Variants in GPX6 observed in about 807,000 individuals in gnomAD.
GPX6 encodes glutathione peroxidase 6, also known as glutathione peroxidase 6 (olfactory).
A neutral mutation model predicts 20.0 loss-of-function variants in GPX6; 21 were observed. That is an observed-to-expected ratio of 1.05 (90% CI 0.74 to 1.51). The LOEUF is 1.51. Among genes scored for constraint, GPX6 ranks in the 40% most tolerant of loss-of-function variants. The pLI is 0.00. For synonymous variants in GPX6, 75 were observed against 98.0 expected, an observed-to-expected ratio of 0.77 and a Z score of 1.38; for missense variants, 233 against 254.7, an observed-to-expected ratio of 0.91 and a Z score of 0.58.
intron 1 of GPX6, among the ~76,000 whole-genome samples, chr6:28,513,340 G>T (rs899232113): frequency 1.3e-5 from 2 of 152,138 alleles, no homozygotes; most frequent in Non-Finnish European, 2.9e-5. Context: ...GCCCACTGGG[G>T]CTTCAGTTGT....
intron 2 of GPX6, among the ~76,000 whole-genome samples, chr6:28,508,084 A>G (rs1762823869): frequency 6.6e-6 from 1 of 152,362 alleles, no homozygotes; most frequent in African/African-American, 2.4e-5. Flanking sequence ...GAACATGGCA[A>G]GTGCCACTGT....
At chr6:28,511,039 T>A in intron 1 of GPX6, 135 bp from the exon 2 acceptor site, 1 of 735,382 alleles carries the variant, frequency 1.4e-6, no homozygotes, top group Non-Finnish European at 2.0e-6. Flanking sequence ...TCTTTCCAAG[T>A]AAAATTTTTA....
intron 2 of GPX6, among the ~76,000 whole-genome samples, chr6:28,509,958 T>G (rs1486981387): frequency 6.6e-6 from 1 of 152,092 alleles, no homozygotes; most frequent in East Asian, 1.9e-4. Flanking sequence ...ATCACTCATC[T>G]CTCCTGTTTT....
rs55919532 is a variant in GPX6 at position 28,504,099 on chromosome 6, T to TACACACAC, written c.*185_*192dup. The TACACACAC allele has an allele frequency of 0.045, 25,147 of 562,082 alleles. 712 individuals carry two copies. Among genetic ancestry groups the TACACACAC allele is most frequent in the African/African-American group, 0.18 (9,123 of 51,492 alleles). The allele number at this position is 562,082 out of a possible 1,614,324, so 34.8% of individuals were successfully genotyped here. A position where few individuals can be genotyped will look rare whatever the true frequency, so the allele number is the denominator to read the frequency against. ...CAACAAATACAATTCTACATATCCA[T>TACACACAC]ACACACACACACACACACACACACA... On this transcript the variant is annotated 3_prime_UTR_variant, in exon 5 of 5. Coordinates refer to ENST00000361902, the MANE Select transcript of GPX6 (RefSeq NM_182701.1).
At chr6:28,510,718 T>C (rs752425160) in intron 2 of GPX6, 33 bp downstream of exon 2, 4 of 1,600,960 alleles carry the variant, frequency 2.5e-6, no homozygotes, top group Non-Finnish European at 3.4e-6. Flanking sequence ...CTGGCAATGC[T>C]GCTTCCAAAA....
intron 2 of GPX6, among the ~76,000 whole-genome samples, chr6:28,507,805 G>A (rs899395423): frequency 6.6e-6 from 1 of 152,178 alleles, no homozygotes; most frequent in African/African-American, 2.4e-5. Context: ...ATGTTCAAGA[G>A]TGATCCGGCC....
intron 1 of GPX6, among the ~76,000 whole-genome samples, chr6:28,513,094 C>T (rs141533366): frequency 6.6e-5 from 10 of 152,258 alleles, no homozygotes; most frequent in South Asian, 2.1e-4. Flanking sequence ...GGAGTTTGGC[C>T]GGGCTCCAGG....
intron 1 of GPX6, among the ~76,000 whole-genome samples, chr6:28,513,064 C>T (rs1485376245): frequency 6.6e-6 from 1 of 152,166 alleles, no homozygotes; most frequent in Non-Finnish European, 1.5e-5. Context: ...ACTGGAAGGC[C>T]ATTGACAGCG....
Position 28,504,334 on chromosome 6 carries a change from C to T in GPX6, c.624G>A (p.Lys208=). The change falls in exon 5 of 5, where the codon AAG becomes AAA. Residue 208 remains lysine (K), a synonymous_variant. Transcript: ENST00000361902. ...GCTTTAGGTACTCCAGGATGTCTGA[C>T]TTGACTGTGCTGACTGGAGCCTGGT... ...WFHQAPVSTV[K]SDILEYLKQF... 6.2e-7 allele frequency: 1 copy of T among 1,614,180 alleles called. No individual in the cohort carries two copies. Among genetic ancestry groups the T allele is most frequent in the Non-Finnish European group, 8.5e-7 (1 of 1,180,040 alleles).
intron 2 of GPX6, 127 bp downstream of exon 2, chr6:28,510,624 G>A: frequency 4.9e-6 from 4 of 811,772 alleles, no homozygotes; most frequent in Non-Finnish European, 7.7e-6. Flanking sequence ...CAGCATTTAG[G>A]GAGGTAGAGT....
chr6:28,512,334 G>A (rs1033850932), intron 1 of GPX6, among the ~76,000 whole-genome samples: 4 of 152,368 alleles, frequency 2.6e-5, no homozygotes, highest in Admixed American at 6.5e-5. Context: ...TCTAGCTCAA[G>A]GTTTGTAAAC....
intron 1 of GPX6, among the ~76,000 whole-genome samples, chr6:28,513,799 T>C (rs978924568): frequency 1.3e-5 from 2 of 152,164 alleles, no homozygotes; most frequent in African/African-American, 4.8e-5. Flanking sequence ...GCATACCCCA[T>C]GCAGGGAAGG....
intron 1 of GPX6, among the ~76,000 whole-genome samples, chr6:28,512,189 T>G (rs557334773): frequency 2.7e-4 from 41 of 152,360 alleles, no homozygotes; most frequent in African/African-American, 8.4e-4. Context: ...GGCGCGGGAC[T>G]GGCAGGCAGC....
At position 28,505,150 on chromosome 6, in the gene GPX6, C is replaced by T. The variant is rs921256767; in HGVS notation, c.459+553G>A. On this transcript the variant is annotated intron_variant, in intron 4 of 4. Coordinates refer to ENST00000361902, the MANE Select transcript of GPX6 (RefSeq NM_182701.1). ...TCAGAATAAATGTTGGTCTTATATT[C>T]AATAAGTTGAGCTTTATGAAAAATT... Among the ~76,000 whole-genome samples the T allele has an allele frequency of 5.3e-5, 8 of 152,272 alleles. No homozygotes were observed. The South Asian group carries it at 1.5e-3, about 28-fold the overall frequency.
chr6:28,512,980 C>G (rs1460696589), intron 1 of GPX6, among the ~76,000 whole-genome samples: 1 of 152,090 alleles, frequency 6.6e-6, no homozygotes, highest in Non-Finnish European at 1.5e-5. Context: ...GGACACGCTG[C>G]CTTAAAGAAC....
rs773186143 is a variant in GPX6, at chr6:28,510,964, T to C, written c.88-60A>G. ...GATAAAAAATAATTCCCAACATTTG[T>C]GGACTTTTTCAAAACACTCGAAGAC... On this transcript the variant is annotated intron_variant, in intron 1 of 4. Coordinates refer to ENST00000361902, the MANE Select transcript of GPX6 (RefSeq NM_182701.1). The C allele has an allele frequency of 2.0e-6, 3 of 1,477,176 alleles. No individual in the cohort carries two copies. The South Asian group carries it at 3.9e-5, about 19-fold the overall frequency. The allele number at this position is 1,477,176 out of a possible 1,614,324, so 91.5% of individuals were successfully genotyped here.
intron 1 of GPX6, among the ~76,000 whole-genome samples, chr6:28,511,894 A>G (rs139922071): frequency 0.018 from 2,720 of 152,344 alleles, 73 homozygotes; most frequent in African/African-American, 0.055. Flanking sequence ...GCCAGCGCGA[A>G]TTCCACGTGG....
chr6:28,506,731 ACAC>A (rs1335752481), intron 2 of GPX6, among the ~76,000 whole-genome samples: 1 of 150,742 alleles, frequency 6.6e-6, no homozygotes, highest in African/African-American at 2.4e-5. Context: ...ACACACACAC[ACAC>A]ACGTTGGTAG....
intron 1 of GPX6, 126 bp from the exon 2 acceptor site, chr6:28,511,030 C>T (rs1203336842): frequency 1.3e-6 from 1 of 791,282 alleles, no homozygotes; most frequent in Non-Finnish European, 1.8e-6. Flanking sequence ...CTGAAGGGAT[C>T]TTTCCAAGTA....
Sources: gnomAD v4.1 joint callset for allele counts (sites outside exome capture counted in the v4.1 genomes callset) on GRCh38, gnomAD v4.1.1 for gene constraint, MANE v1.5 for transcripts, NCBI Gene and HGNC (gene_info 2026-07-23, HGNC 2026-07-21) for gene names.